The following EFCAB10 variants were observed in gnomAD, a reference collection of about 807,000 sequenced individuals.
EFCAB10 encodes EF-hand calcium-binding domain-containing protein 10.
In EFCAB10, 7 loss-of-function variants were observed where a neutral mutation model predicts 7.7. That is an observed-to-expected ratio of 0.91 (90% CI 0.52 to 1.72). The LOEUF (loss-of-function observed/expected upper bound fraction) is 1.72, where lower values mean the gene tolerates loss of function less well. Ranked by LOEUF, EFCAB10 falls within the 40% of genes most tolerant of loss-of-function variation. The probability of loss-of-function intolerance (pLI) is 0.00; values close to 1 mark genes in which losing one functional copy is unlikely to be tolerated. For missense variants in EFCAB10, 112 were observed against 61.5 expected (o/e 1.82, Z -2.74); for synonymous variants, 52 against 21.0 (o/e 2.47, Z -4.03).
rs761778810 is a variant in EFCAB10, at chr7:105,567,328, G to T, written c.383+139C>A. 1.4e-5 allele frequency: 21 copies of T among 1,545,868 alleles called. No homozygotes were observed. In the South Asian group the frequency reaches 2.4e-4, roughly 18 times the overall value. On this transcript the variant is annotated intron_variant, in intron 4 of 4. Transcript: ENST00000480514. ...GGAAAATAATGTCTTTCAGAAAAAG[G>T]TTTCTTTGGTTTTTGTTTCTAAGAA...
Position 105,569,477 on chromosome 7 carries a change from G to A in EFCAB10, c.201C>T (p.Asn67=), listed in dbSNP as rs759218289. The change falls in exon 2 of 5, where the codon AAC becomes AAT. Residue 67 remains asparagine, a synonymous_variant. Coordinates refer to ENST00000480514, the MANE Select transcript of EFCAB10 (RefSeq NM_001355526.2). The part of the protein sequence containing the change: ...VAFPFFMDNS[N]IVAMFEMMDS... ...CCATCATCTCAAACATAGCCACAAT[G>A]TTAGAGTTATCCATAAAGAAAGGAA... 2.8e-6 allele frequency: 2 copies of A among 702,978 alleles called. No individual in the cohort carries two copies. The highest frequency in any genetic ancestry group is 1.7e-5 in the African/African-American group (1 of 57,258). 43.5% of individuals were successfully genotyped at this position (702,978 alleles called of 1,614,324 possible). A position where few individuals can be genotyped will look rare whatever the true frequency, so the allele number is the denominator to read the frequency against.
Position 105,569,529 on chromosome 7 carries a change from C to T in EFCAB10, c.149G>A (p.Arg50Lys), listed in dbSNP as rs1239776012. 1.4e-6 allele frequency: 1 copy of T among 702,506 alleles called. No individual in the cohort carries two copies. The highest frequency in any genetic ancestry group is 1.7e-5 in the African/African-American group (1 of 57,230). 43.5% of individuals were successfully genotyped at this position (702,506 alleles called of 1,614,324 possible). A position where few individuals can be genotyped will look rare whatever the true frequency, so the allele number is the denominator to read the frequency against. ...EYLISLLERL[R>K]IAKVTGVAFP... Reference sequence around the variant, plus strand: ...CGCCACGCCTGTTACTTTTGCAATTCTCAGTCGTTCCAATAGAGATATTAA... The same window carrying T: ...CGCCACGCCTGTTACTTTTGCAATTTTCAGTCGTTCCAATAGAGATATTAA... The change falls in exon 2 of 5, where the codon AGA becomes AAA. Residue 50 changes from arginine (R) to lysine (K), a missense_variant. Transcript: ENST00000480514.
intron 1 of EFCAB10, among the ~76,000 whole-genome samples, chr7:105,570,260 T>TAC (rs1183297943): frequency 2.0e-3 from 190 of 95,606 alleles, no homozygotes; most frequent in African/African-American, 7.2e-3. Context: ...TATATATATA[T>TAC]ATATATATAC....
intron 1 of EFCAB10, among the ~76,000 whole-genome samples, chr7:105,574,704 C>T (rs529592800): frequency 7.2e-5 from 11 of 151,884 alleles, no homozygotes; most frequent in East Asian, 3.9e-4. Flanking sequence ...AGGATGGTCT[C>T]GATCTCCTGA....
intron 4 of EFCAB10, 41 bp from the exon 5 acceptor site, chr7:105,565,488 G>A: frequency 1.9e-6 from 3 of 1,610,718 alleles, no homozygotes; most frequent in South Asian, 1.1e-5. Context: ...TTTGGGCTGT[G>A]ATAATAAAGA....
Position 105,565,249 on chromosome 7 carries a change from T to C in EFCAB10, c.*198A>G, listed in dbSNP as rs1389718241. On this transcript the variant is annotated 3_prime_UTR_variant, in exon 5 of 5. Coordinates refer to ENST00000480514, the MANE Select transcript of EFCAB10 (RefSeq NM_001355526.2). ...CTTGAAAAATAGAAACTGATGAAAA[T>C]TTTTTGGTAAAAATGTGTTTTTTCC... is the stretch of plus-strand genomic sequence containing the variant. 6 of 1,558,272 alleles carry C rather than the reference T, an allele frequency of 3.9e-6. No individual in the cohort carries two copies. The African/African-American group carries it at 5.5e-5, about 14-fold the overall frequency.
chr7:105,572,705 G>C (rs899113938), intron 1 of EFCAB10: 12 of 152,124 alleles, frequency 7.9e-5, no homozygotes, highest in African/African-American at 2.9e-4. Context: ...TCTTTTGTTA[G>C]CGTTTTAGAG....
chr7:105,565,733 G>C, intron 4 of EFCAB10: 2 of 866,090 alleles, frequency 2.3e-6, no homozygotes, highest in Non-Finnish European at 3.7e-6. Context: ...TTCTGGAGAT[G>C]TTTGGGTGGG....
chr7:105,581,289 A>G lies in EFCAB10; in HGVS notation c.106+69T>C, dbSNP rs1586296791. On this transcript the variant is annotated intron_variant, in intron 1 of 4. Transcript: ENST00000480514. ...AGGCAGTGGAAAGCGAATGTGTAAGAGGGGGGTTTCGTGTGGGAAGCGAAC... is the reference window on the plus strand; with the variant it reads ...AGGCAGTGGAAAGCGAATGTGTAAGGGGGGGGTTTCGTGTGGGAAGCGAAC... The G allele has an allele frequency of 7.3e-6, 5 of 687,446 alleles. No homozygotes were observed. In the East Asian group the frequency reaches 1.4e-4, roughly 19 times the overall value. 42.6% of individuals were successfully genotyped at this position (687,446 alleles called of 1,614,324 possible).
intron 1 of EFCAB10, chr7:105,571,163 A>C (rs73192150): frequency 0.14 from 21,084 of 152,244 alleles, 1,793 homozygotes; most frequent in South Asian, 0.24. Context: ...CCCTATCCAC[A>C]TCAATTTGTG....
intron 3 of EFCAB10, among the ~76,000 whole-genome samples, chr7:105,568,953 G>GAAA (rs55730992): frequency 8.2e-6 from 1 of 121,774 alleles, no homozygotes; most frequent in Non-Finnish European, 1.7e-5. Flanking sequence ...CCATCTCAGG[G>GAAA]AAAAAAAAAA....
chr7:105,570,268 T>TATATATATATATATATATACAC (rs1188257284), intron 1 of EFCAB10, among the ~76,000 whole-genome samples: 6 of 66,448 alleles, frequency 9.0e-5, no homozygotes, highest in Non-Finnish European at 1.6e-4. Flanking sequence ...TATATATATA[T>TATATATATATATATATATACAC]ACACACACAC....
intron 1 of EFCAB10, among the ~76,000 whole-genome samples, chr7:105,570,385 A>G (rs531326663): frequency 6.6e-6 from 1 of 150,440 alleles, no homozygotes; most frequent in South Asian, 2.1e-4. Context: ...CTAACAAAGC[A>G]ATTTGGATAA....
intron 1 of EFCAB10, among the ~76,000 whole-genome samples, chr7:105,580,295 C>G (rs1450693042): frequency 6.6e-6 from 1 of 151,938 alleles, no homozygotes; most frequent in African/African-American, 2.4e-5. Flanking sequence ...AGGAGCTTCA[C>G]GAATAGCTGG....
At chr7:105,571,508 C>G (rs1467083191) in intron 1 of EFCAB10, 6 of 152,194 alleles carry the variant, frequency 3.9e-5, no homozygotes, top group Admixed American at 3.3e-4. Flanking sequence ...ATGGTCCAGT[C>G]AAAGCACAAG....
At position 105,569,426 on chromosome 7, in the gene EFCAB10, T is replaced by C. The variant is rs61745324; in HGVS notation, c.252A>G (p.Ser84=). The C allele has an allele frequency of 1.7e-3, 1,191 of 702,544 alleles. 12 individuals are homozygous for C. In the African/African-American group the frequency reaches 0.019, roughly 11 times the overall value. 43.5% of individuals were successfully genotyped at this position (702,544 alleles called of 1,614,324 possible). ...ACTGACCTTCTTTATACTGCACAAATGATATGGTGCCTCTGCCTGAGGAGT... is the reference window on the plus strand; with the variant it reads ...ACTGACCTTCTTTATACTGCACAAACGATATGGTGCCTCTGCCTGAGGAGT... ...MMDSSGRGTI[S]FVQYKEALKT... is the part of the protein sequence containing the mutation. Residue 84 remains serine (S), a synonymous_variant, in exon 2 of 5, where the codon TCA becomes TCG. Coordinates refer to ENST00000480514, the MANE Select transcript of EFCAB10 (RefSeq NM_001355526.2).
Position 105,574,629 on chromosome 7 carries a change from C to T in EFCAB10, c.107-5058G>A, listed in dbSNP as rs112048817. Among the ~76,000 whole-genome samples the T allele has an allele frequency of 7.0e-3, 1,066 of 151,878 alleles. 9 individuals are homozygous for T. Among genetic ancestry groups the T allele is most frequent in the African/African-American group, 0.022 (899 of 41,462 alleles). The stretch of plus-strand genomic sequence containing the variant: ...CCTCCCGAGTAGCTGGGATTACAGG[C>T]GCCCGCCACCATGCCCGGCTAATTT... On this transcript the variant is annotated intron_variant, in intron 1 of 4. Transcript: ENST00000480514.
At chr7:105,580,015 A>T (rs1333799927) in intron 1 of EFCAB10, among the ~76,000 whole-genome samples, 1 of 151,690 alleles carries the variant, frequency 6.6e-6, no homozygotes, top group Non-Finnish European at 1.5e-5. Flanking sequence ...TTTTTTTGAG[A>T]AGGTGTTTTA....
intron 1 of EFCAB10, chr7:105,572,222 C>T (rs1187978347): frequency 6.6e-6 from 1 of 152,190 alleles, no homozygotes; most frequent in Admixed American, 6.5e-5. Flanking sequence ...CCCTGCCTTT[C>T]AGCTCTTGAG....
Sources: allele counts gnomAD v4.1 joint callset (sites outside exome capture counted in the v4.1 genomes callset), GRCh38; gene constraint gnomAD v4.1.1; transcripts MANE v1.5; gene names NCBI Gene and HGNC (gene_info 2026-07-23, HGNC 2026-07-21).